The following ANKRD36C variants were observed in gnomAD, a reference collection of about 807,000 sequenced individuals.
ANKRD36C encodes the protein ankyrin repeat domain 36C.
ANKRD36C carries 61 observed loss-of-function variants against 276.4 expected under a neutral mutation model. The ratio of observed to expected loss-of-function variants is 0.22; its 90% CI spans 0.18 to 0.27. The LOEUF (loss-of-function observed/expected upper bound fraction) is 0.27, where lower values mean the gene tolerates loss of function less well. Ranked by LOEUF, ANKRD36C falls within the 10% of genes least tolerant of loss-of-function variation. The pLI, the probability that ANKRD36C is intolerant of heterozygous loss-of-function variation, is 1.00. For missense variants in ANKRD36C, 1,447 were observed against 2,032.3 expected, an observed-to-expected ratio of 0.71 and a Z score of 5.54; for synonymous variants, 483 against 680.1, an observed-to-expected ratio of 0.71 and a Z score of 4.51.
At chr2:95,881,448 A>T (rs376393446) in intron 56 of ANKRD36C, among the ~76,000 whole-genome samples, 2 of 152,036 alleles carry the variant, frequency 1.3e-5, no homozygotes, top group African/African-American at 4.8e-5. Flanking sequence ...TGAATTCAAC[A>T]TTATTTTTGT....
intron 46 of ANKRD36C, among the ~76,000 whole-genome samples, chr2:95,890,529 G>C (rs1192453341): frequency 6.6e-6 from 1 of 151,534 alleles, no homozygotes; most frequent in Non-Finnish European, 1.5e-5. Context: ...TTGGATATCT[G>C]CTTGCTGATA....
chr2:95,943,548 AT>A (rs1288804990), intron 19 of ANKRD36C, among the ~76,000 whole-genome samples: 5 of 150,792 alleles, frequency 3.3e-5, no homozygotes, highest in South Asian at 4.1e-4. Context: ...AATTTTTATT[AT>A]TTTTTATTAT....
rs76095825 is a variant in ANKRD36C, at chr2:95,923,018, T to C, written c.2143+477A>G. 7.9e-5 allele frequency among the ~76,000 whole-genome samples: 12 copies of C among 151,644 alleles called. No individual in the cohort carries two copies. The East Asian group carries it at 1.4e-3, about 17-fold the overall frequency. On this transcript the variant is annotated intron_variant, in intron 32 of 66. Coordinates refer to ENST00000456556, the Ensembl canonical transcript of ANKRD36C. ...CATAAATAACTTCTTCTTTTCCCTC[T>C]TTCCTGCCTCACAATCCCTCTTCCT...
chr2:95,903,012 A>G, intron 42 of ANKRD36C, 41 bp downstream of exon 53: 2 of 1,571,644 alleles, frequency 1.3e-6, no homozygotes, highest in Non-Finnish European at 1.7e-6. Flanking sequence ...TTCATAGACT[A>G]TACATTTACT....
At chr2:95,926,759 A>C (rs1488900814) in intron 28 of ANKRD36C, among the ~76,000 whole-genome samples, 2 of 151,592 alleles carry the variant, frequency 1.3e-5, no homozygotes, top group African/African-American at 4.8e-5. Flanking sequence ...TTCCTGCCTG[A>C]CAATCCTCTT....
chr2:95,881,424 T>C (rs1676075332), intron 56 of ANKRD36C, among the ~76,000 whole-genome samples: 1 of 152,194 alleles, frequency 6.6e-6, no homozygotes, highest in Non-Finnish European at 1.5e-5. Context: ...ATAATCACTT[T>C]AGGATTCAAT....
chr2:95,908,664 A>C lies in ANKRD36C; in HGVS notation c.2653+3580T>G, dbSNP rs987443911. ...AGTTCACAACATAAATGACAGTTTCATTACCTTCAAGCCTGGTGGTTGCTC... is the reference window on the plus strand; with the variant it reads ...AGTTCACAACATAAATGACAGTTTCCTTACCTTCAAGCCTGGTGGTTGCTC... On this transcript the variant is annotated intron_variant, in intron 42 of 66. Transcript: ENST00000456556. The C allele has an allele frequency of 1.3e-6, 2 of 1,563,366 alleles. No individual in the cohort carries two copies. Among genetic ancestry groups the C allele is most frequent in the African/African-American group, 2.7e-5 (2 of 73,288 alleles).
chr2:95,873,967 A>C (rs1368600229), intron 59 of ANKRD36C, among the ~76,000 whole-genome samples: 1 of 152,180 alleles, frequency 6.6e-6, no homozygotes, highest in Non-Finnish European at 1.5e-5. Flanking sequence ...AATCCAACTT[A>C]CAAGGGATGT....
chr2:95,923,149 G>A (rs1194884508), intron 32 of ANKRD36C, among the ~76,000 whole-genome samples: 2 of 151,470 alleles, frequency 1.3e-5, no homozygotes, highest in African/African-American at 4.8e-5. Context: ...ACGATGTGAC[G>A]TCTGTAAAAT....
At chr2:95,914,204 A>C in intron 39 of ANKRD36C, 24 bp from the exon 42 acceptor site, 1 of 1,571,052 alleles carries the variant, frequency 6.4e-7, no homozygotes, top group South Asian at 1.2e-5. Context: ...GAAATGAAAT[A>C]ATAAGTTAAT....
exon 62 of ANKRD36C, chr2:95,857,484 A>G (rs534895059): frequency 3.4e-5 from 52 of 1,535,686 alleles, no homozygotes; most frequent in Admixed American, 7.6e-5. Context: ...TTCTTGCTGT[A>G]TGGCAAATCT....
At chr2:95,933,429 G>C (rs2104447169) in intron 24 of ANKRD36C, among the ~76,000 whole-genome samples, 1 of 152,270 alleles carries the variant, frequency 6.6e-6, no homozygotes, top group South Asian at 2.1e-4. Context: ...TCTTCCATTT[G>C]TTTGTGTCCT....
intron 40 of ANKRD36C, among the ~76,000 whole-genome samples, chr2:95,913,599 G>A (rs1676998889): frequency 1.3e-5 from 2 of 151,362 alleles, no homozygotes; most frequent in Non-Finnish European, 3.0e-5. Context: ...TTCCTCAGCA[G>A]AAACCCCAAA....
intron 59 of ANKRD36C, among the ~76,000 whole-genome samples, chr2:95,873,269 T>C (rs1675858606): frequency 6.6e-6 from 1 of 152,146 alleles, no homozygotes; most frequent in Non-Finnish European, 1.5e-5. Context: ...AAATCCTCGA[T>C]AAAATATGGG....
At chr2:95,889,379 G>C (rs1676277827) in intron 48 of ANKRD36C, among the ~76,000 whole-genome samples, 2 of 151,444 alleles carry the variant, frequency 1.3e-5, no homozygotes, top group African/African-American at 4.8e-5. Context: ...CACTGCTCTT[G>C]TTACTTCTCA....
intron 30 of ANKRD36C, 29 bp downstream of exon 30, chr2:95,925,323 A>G: frequency 6.4e-7 from 1 of 1,562,040 alleles, no homozygotes; most frequent in South Asian, 1.2e-5. Context: ...TTGAGTGCAC[A>G]TGACATTAAA....
chr2:95,970,813 T>G (rs1354457989), intron 6 of ANKRD36C, among the ~76,000 whole-genome samples: 2 of 152,194 alleles, frequency 1.3e-5, no homozygotes, highest in Non-Finnish European at 2.9e-5. Flanking sequence ...TCCAGTTTTA[T>G]AAAGTACAAC....
intron 12 of ANKRD36C, among the ~76,000 whole-genome samples, chr2:95,957,512 A>G (rs1056807690): frequency 6.6e-6 from 1 of 152,300 alleles, no homozygotes; most frequent in Non-Finnish European, 1.5e-5. Flanking sequence ...TAATGAGCCT[A>G]CACTTTTGTA....
At chr2:95,946,330 G>C (rs1277684107) in intron 17 of ANKRD36C, among the ~76,000 whole-genome samples, 1 of 150,388 alleles carries the variant, frequency 6.6e-6, no homozygotes, top group East Asian at 1.9e-4. Flanking sequence ...CTGGCCATCA[G>C]AGAAATGCAA....
Sources: gnomAD v4.1 joint callset for allele counts (sites outside exome capture counted in the v4.1 genomes callset) on GRCh38, gnomAD v4.1.1 for gene constraint, MANE v1.5 for transcripts, NCBI Gene and HGNC (gene_info 2026-07-23, HGNC 2026-07-21) for gene names.